Variants in AHI1 observed in about 807,000 individuals in gnomAD.
The protein encoded by AHI1 is jouberin.
Under a neutral mutation model 149.3 loss-of-function variants are expected in AHI1, and 123 were observed. The observed-to-expected ratio is 0.82, with a 90% CI of 0.71 to 0.96. The LOEUF (loss-of-function observed/expected upper bound fraction) is 0.96. Ranked by LOEUF, AHI1 falls within the 40% of genes least tolerant of loss-of-function variation. AHI1 has a pLI of 0.00. For missense variants in AHI1, 1,439 were observed against 1,422.7 expected (o/e 1.01, Z -0.18); for synonymous variants, 475 against 459.8 (o/e 1.03, Z -0.42).
At chr6:135,288,821 C>T (rs1454049057) in intron 28 of AHI1, among the ~76,000 whole-genome samples, 1 of 151,586 alleles carries the variant, frequency 6.6e-6, no homozygotes, top group Non-Finnish European at 1.5e-5. Flanking sequence ...CAAAGAGATG[C>T]ACATTTTGAA....
At chr6:135,453,306 A>T in intron 11 of AHI1, 35 bp downstream of exon 11, 1 of 1,455,154 alleles carries the variant, frequency 6.9e-7, no homozygotes, top group Non-Finnish European at 9.4e-7. Context: ...TTTGAAGACT[A>T]GTTTTAAAGT....
chr6:135,414,961 C>A, intron 20 of AHI1, among the ~76,000 whole-genome samples: 1 of 109,328 alleles, frequency 9.1e-6, no homozygotes, highest in East Asian at 3.4e-4. Flanking sequence ...TATCCCTCCC[C>A]CCTCCCCCCA....
intron 26 of AHI1, among the ~76,000 whole-genome samples, chr6:135,317,633 C>T (rs1786171129): frequency 6.6e-6 from 1 of 152,070 alleles, no homozygotes; most frequent in Non-Finnish European, 1.5e-5. Context: ...TGTGCACCAG[C>T]CTGTAAGCAA....
chr6:135,405,879 A>G (rs978627146), intron 21 of AHI1, among the ~76,000 whole-genome samples: 3 of 151,308 alleles, frequency 2.0e-5, no homozygotes, highest in African/African-American at 7.3e-5. Context: ...AAAAAAGAAA[A>G]AAAAAAGAAA....
intron 24 of AHI1, among the ~76,000 whole-genome samples, chr6:135,333,407 T>G (rs1788892753): frequency 6.6e-6 from 1 of 152,152 alleles, no homozygotes; most frequent in Non-Finnish European, 1.5e-5. Flanking sequence ...ATTTCTAGCA[T>G]CATGTGGTAG....
At chr6:135,420,417 G>A (rs1782983821) in intron 20 of AHI1, among the ~76,000 whole-genome samples, 1 of 152,080 alleles carries the variant, frequency 6.6e-6, no homozygotes. Flanking sequence ...CTACTGGAGG[G>A]CATCTTCCTC....
chr6:135,389,132 A>G (rs1383880279), intron 23 of AHI1, among the ~76,000 whole-genome samples: 1 of 151,484 alleles, frequency 6.6e-6, no homozygotes, highest in Non-Finnish European at 1.5e-5. Flanking sequence ...AACATGGTGA[A>G]ACCCTGTCTC....
chr6:135,396,501 A>T (rs1294103187), intron 22 of AHI1, among the ~76,000 whole-genome samples: 1 of 151,884 alleles, frequency 6.6e-6, no homozygotes, highest in Non-Finnish European at 1.5e-5. Flanking sequence ...TATCTTGGCA[A>T]GGGCAAACCA....
chr6:135,343,031 C>G (rs1357645205), intron 24 of AHI1, among the ~76,000 whole-genome samples: 1 of 150,850 alleles, frequency 6.6e-6, no homozygotes, highest in African/African-American at 2.4e-5. Flanking sequence ...AAGAACTGAT[C>G]CCCCCAACAA....
chr6:135,362,573 C>T (rs1385395261), intron 23 of AHI1, among the ~76,000 whole-genome samples: 1 of 152,164 alleles, frequency 6.6e-6, no homozygotes, highest in East Asian at 1.9e-4. Flanking sequence ...AGTAAGGTGG[C>T]ATCACATTGC....
chr6:135,477,527 A>G (rs887916552), intron 5 of AHI1, among the ~76,000 whole-genome samples: 1 of 152,136 alleles, frequency 6.6e-6, no homozygotes, highest in Non-Finnish European at 1.5e-5. Context: ...GTTGAATTGT[A>G]ATTTCCATGT....
chr6:135,300,425 A>G, intron 27 of AHI1, 75 bp downstream of exon 27: 1 of 1,366,306 alleles, frequency 7.3e-7, no homozygotes, highest in Non-Finnish European at 9.8e-7. Flanking sequence ...TATAAAAATA[A>G]GAAATGGAGA....
At chr6:135,323,612 A>T (rs1020501665) in intron 24 of AHI1, among the ~76,000 whole-genome samples, 1 of 152,038 alleles carries the variant, frequency 6.6e-6, no homozygotes, top group Non-Finnish European at 1.5e-5. Context: ...TGAAGCAAAT[A>T]AAAAAAAGCT....
At chr6:135,491,177 A>G (rs1300246407) in intron 4 of AHI1, among the ~76,000 whole-genome samples, 1 of 152,200 alleles carries the variant, frequency 6.6e-6, no homozygotes, top group Non-Finnish European at 1.5e-5. Context: ...TATTCCACAA[A>G]TATTAACAGG....
At chr6:135,438,030 G>GA (rs1785671010) in intron 15 of AHI1, among the ~76,000 whole-genome samples, 2 of 152,012 alleles carry the variant, frequency 1.3e-5, no homozygotes, top group Non-Finnish European at 2.9e-5. Context: ...AGCCAATAGT[G>GA]AAGACAGTAT....
chr6:135,288,400 C>A (rs11969162), intron 28 of AHI1, among the ~76,000 whole-genome samples: 2,272 of 151,902 alleles, frequency 0.015, 35 homozygotes, highest in Non-Finnish European at 0.02. Flanking sequence ...AATGTAGAAA[C>A]AACACGCTGT....
chr6:135,487,080 G>A (rs1306925979), intron 5 of AHI1, among the ~76,000 whole-genome samples: 2 of 151,974 alleles, frequency 1.3e-5, no homozygotes, highest in Non-Finnish European at 2.9e-5. Flanking sequence ...TATTTTAAAA[G>A]TCTATTTTTG....
intron 23 of AHI1, among the ~76,000 whole-genome samples, chr6:135,373,000 C>T (rs1321884165): frequency 1.3e-5 from 2 of 152,200 alleles, no homozygotes; most frequent in African/African-American, 2.4e-5. Flanking sequence ...TTCTCCTATG[C>T]CACATTCACC....
intron 28 of AHI1, among the ~76,000 whole-genome samples, chr6:135,287,822 C>T (rs1368166375): frequency 6.6e-6 from 1 of 150,806 alleles, no homozygotes; most frequent in Non-Finnish European, 1.5e-5. Flanking sequence ...CGTGGCCGGG[C>T]ATGGTGGCTC....
Sources: gnomAD v4.1 joint callset for allele counts (sites outside exome capture counted in the v4.1 genomes callset) on GRCh38, gnomAD v4.1.1 for gene constraint, MANE v1.5 for transcripts, NCBI Gene and HGNC (gene_info 2026-07-23, HGNC 2026-07-21) for gene names.